The following FOXN3 variants were observed in gnomAD, a reference collection of about 807,000 sequenced individuals.
The protein encoded by FOXN3 is forkhead box N3.
In FOXN3, 7 loss-of-function variants were observed where a neutral mutation model predicts 38.4. The ratio of observed to expected loss-of-function variants is 0.18; its 90% CI spans 0.10 to 0.34. FOXN3 has a LOEUF of 0.34. FOXN3 is among the 10% of genes least tolerant of loss of function. The pLI, the probability that FOXN3 is intolerant of heterozygous loss-of-function variation, is 1.00. For missense variants in FOXN3, 456 were observed against 613.4 expected, an observed-to-expected ratio of 0.74 and a Z score of 2.71; for synonymous variants, 230 against 242.2, an observed-to-expected ratio of 0.95 and a Z score of 0.47.
intron 4 of FOXN3, among the ~76,000 whole-genome samples, chr14:89,279,827 G>A (rs1407627236): frequency 2.0e-5 from 3 of 152,128 alleles, no homozygotes; most frequent in Non-Finnish European, 4.4e-5. Flanking sequence ...ATGCAATTGC[G>A]TGGCCTATAA....
At chr14:89,354,000 G>T (rs777765748) in intron 2 of FOXN3, among the ~76,000 whole-genome samples, 12 of 151,886 alleles carry the variant, frequency 7.9e-5, no homozygotes, top group Non-Finnish European at 1.3e-4. Flanking sequence ...TAACAGTTTG[G>T]AGTAGTAAAA....
chr14:89,595,830 GTAGGC>G (rs1263252678), intron 1 of FOXN3, among the ~76,000 whole-genome samples: 1 of 152,164 alleles, frequency 6.6e-6, no homozygotes, highest in African/African-American at 2.4e-5. Context: ...TTTTAATGAT[GTAGGC>G]TATTTTTTGT....
intron 1 of FOXN3, among the ~76,000 whole-genome samples, chr14:89,546,414 C>A (rs1336497093): frequency 1.4e-5 from 2 of 138,224 alleles, no homozygotes; most frequent in Non-Finnish European, 3.0e-5. Flanking sequence ...GCTGCAAGCT[C>A]CGCCTCCCGG....
intron 1 of FOXN3, among the ~76,000 whole-genome samples, chr14:89,481,445 C>T (rs923608087): frequency 3.9e-5 from 6 of 152,038 alleles, no homozygotes; most frequent in African/African-American, 1.2e-4. Flanking sequence ...GGGCTGGACT[C>T]CTGGCTCACG....
At chr14:89,320,359 T>A (rs1337469221) in intron 3 of FOXN3, among the ~76,000 whole-genome samples, 1 of 152,236 alleles carries the variant, frequency 6.6e-6, no homozygotes, top group Non-Finnish European at 1.5e-5. Flanking sequence ...ATAATAGAAG[T>A]TCAAACAAAA....
intron 4 of FOXN3, among the ~76,000 whole-genome samples, chr14:89,221,879 G>A (rs1884476080): frequency 6.6e-6 from 1 of 150,806 alleles, no homozygotes; most frequent in African/African-American, 2.4e-5. Context: ...CTGGAGTGCA[G>A]TGGCGCGATC....
chr14:89,554,782 C>CTTTTTTTTTTTTTTTTTT (rs34530866), intron 1 of FOXN3, among the ~76,000 whole-genome samples: 3 of 68,590 alleles, frequency 4.4e-5, no homozygotes, highest in African/African-American at 1.5e-4. Flanking sequence ...ACTAGCATTT[C>CTTTTTTTTTTTTTTTTTT]TTTTTTTTTT....
intron 3 of FOXN3, among the ~76,000 whole-genome samples, chr14:89,314,227 G>A (rs1323772422): frequency 6.6e-6 from 1 of 152,122 alleles, no homozygotes; most frequent in Non-Finnish European, 1.5e-5. Context: ...TTTATTGTTT[G>A]ACCATTCTAC....
At chr14:89,596,954 C>A (rs1197997359) in intron 1 of FOXN3, among the ~76,000 whole-genome samples, 2 of 152,072 alleles carry the variant, frequency 1.3e-5, no homozygotes, top group Non-Finnish European at 2.9e-5. Flanking sequence ...TTGATTCTCC[C>A]CCCATTTCAT....
intron 1 of FOXN3, among the ~76,000 whole-genome samples, chr14:89,475,711 T>C (rs1893196335): frequency 6.6e-6 from 1 of 152,174 alleles, no homozygotes; most frequent in African/African-American, 2.4e-5. Context: ...AGCACCTAAC[T>C]ACCTACAAAC....
intron 2 of FOXN3, among the ~76,000 whole-genome samples, chr14:89,368,130 A>T (rs1890209929): frequency 6.6e-6 from 1 of 151,668 alleles, no homozygotes; most frequent in Admixed American, 6.6e-5. Flanking sequence ...GGAGTTCGAG[A>T]CCAGCCTGAC....
At chr14:89,573,868 T>A (rs935860075) in intron 1 of FOXN3, among the ~76,000 whole-genome samples, 2 of 151,938 alleles carry the variant, frequency 1.3e-5, no homozygotes, top group African/African-American at 4.8e-5. Context: ...CCTGTCTCTA[T>A]TTTAATAAAA....
chr14:89,587,693 C>T (rs243178), intron 1 of FOXN3, among the ~76,000 whole-genome samples: 30,330 of 151,660 alleles, frequency 0.2, 3,861 homozygotes, highest in East Asian at 0.42. Flanking sequence ...TATGGGGAAA[C>T]CTCGTCTCTA....
At chr14:89,590,708 A>C (rs1895933273) in intron 1 of FOXN3, among the ~76,000 whole-genome samples, 1 of 152,142 alleles carries the variant, frequency 6.6e-6, no homozygotes, top group South Asian at 2.1e-4. Context: ...CCTCTTCCCC[A>C]AAGAAGGACA....
chr14:89,286,188 T>A (rs1596154612), intron 3 of FOXN3, among the ~76,000 whole-genome samples: 1 of 132,294 alleles, frequency 7.6e-6, no homozygotes, highest in South Asian at 2.4e-4. Context: ...GGGAGAGGAG[T>A]AGGGAGGGAA....
chr14:89,378,689 T>C (rs1047137942), intron 2 of FOXN3, among the ~76,000 whole-genome samples: 6 of 149,496 alleles, frequency 4.0e-5, no homozygotes, highest in Admixed American at 2.7e-4. Flanking sequence ...TGAGGTCACA[T>C]TGAATCTCTT....
intron 2 of FOXN3, among the ~76,000 whole-genome samples, chr14:89,394,765 T>C (rs1891060049): frequency 6.6e-6 from 1 of 152,080 alleles, no homozygotes. Flanking sequence ...AATCCCGGGG[T>C]CCCATTAGCA....
intron 4 of FOXN3, among the ~76,000 whole-genome samples, chr14:89,256,170 C>G (rs571548371): frequency 1.3e-5 from 2 of 152,288 alleles, no homozygotes; most frequent in African/African-American, 4.8e-5. Context: ...TCAAGGACAC[C>G]TGTTGTCATT....
intron 4 of FOXN3, among the ~76,000 whole-genome samples, chr14:89,257,914 A>G (rs1266547764): frequency 6.6e-6 from 1 of 152,176 alleles, no homozygotes; most frequent in Non-Finnish European, 1.5e-5. Flanking sequence ...AAGGGGTGAC[A>G]TTTCCTCAGA....
Sources: allele counts gnomAD v4.1 joint callset (sites outside exome capture counted in the v4.1 genomes callset), GRCh38; gene constraint gnomAD v4.1.1; transcripts MANE v1.5; gene names NCBI Gene and HGNC (gene_info 2026-07-23, HGNC 2026-07-21).